RSF1: variants seen among roughly 807,000 people sequenced by gnomAD.
RSF1 encodes the protein remodeling and spacing factor 1.
Under a neutral mutation model 145.2 loss-of-function variants are expected in RSF1, and 13 were observed. That is an observed-to-expected ratio of 0.09 (90% confidence interval 0.06 to 0.14). The LOEUF is 0.14. Among genes scored for constraint, RSF1 ranks in the 10% least tolerant of loss-of-function variants. RSF1 has a pLI of 1.00. For missense variants in RSF1, 1,517 were observed against 1,718.2 expected (o/e 0.88, Z 2.07); for synonymous variants, 577 against 592.6 (o/e 0.97, Z 0.38).
At chr11:77,769,673 T>G (rs1034923865) in intron 1 of RSF1, among the ~76,000 whole-genome samples, 4 of 152,250 alleles carry the variant, frequency 2.6e-5, no homozygotes, top group African/African-American at 4.8e-5. Context: ...ATTTTGACAT[T>G]TTTCTAAGCA....
the RSF1 span, among the ~76,000 whole-genome samples, chr11:77,871,822 G>C: frequency 1.3e-5 from 2 of 152,128 alleles, no homozygotes; most frequent in South Asian, 2.1e-4. Flanking sequence ...ACCAACCCTA[G>C]GTGTTAATGT....
At chr11:77,866,202 G>A in the RSF1 span, among the ~76,000 whole-genome samples, 1 of 152,290 alleles carries the variant, frequency 6.6e-6, no homozygotes, top group Admixed American at 6.5e-5. Context: ...AGACAGACAG[G>A]ATGCCATCTT....
chr11:77,820,090 G>C (rs1192202139), intron 1 of RSF1, among the ~76,000 whole-genome samples: 7 of 152,210 alleles, frequency 4.6e-5, no homozygotes, highest in African/African-American at 1.7e-4. Context: ...AGATGGTCGG[G>C]AAGACTGGTG....
intron 2 of RSF1, among the ~76,000 whole-genome samples, chr11:77,761,539 GA>G (rs1292392275): frequency 2.6e-5 from 4 of 152,192 alleles, no homozygotes; most frequent in Non-Finnish European, 5.9e-5. Flanking sequence ...CAGGGCAGTA[GA>G]AGTAGAGGTG....
chr11:77,813,874 A>G (rs997426998), intron 1 of RSF1, among the ~76,000 whole-genome samples: 1 of 151,638 alleles, frequency 6.6e-6, no homozygotes, highest in Admixed American at 6.6e-5. Flanking sequence ...ATGGAGAATT[A>G]ATACAATTTA....
intron 1 of RSF1, among the ~76,000 whole-genome samples, chr11:77,808,062 G>A (rs1037641318): frequency 7.9e-5 from 12 of 152,088 alleles, no homozygotes; most frequent in African/African-American, 1.9e-4. Flanking sequence ...GGCTGGGTGC[G>A]GTGGCTCACA....
intron 1 of RSF1, among the ~76,000 whole-genome samples, chr11:77,801,233 A>G (rs1948623515): frequency 6.6e-6 from 1 of 152,068 alleles, no homozygotes; most frequent in Non-Finnish European, 1.5e-5. Context: ...TTTTGAGACC[A>G]GCCTGGTCAA....
At chr11:77,866,931 C>T in the RSF1 span, among the ~76,000 whole-genome samples, 27 of 152,180 alleles carry the variant, frequency 1.8e-4, no homozygotes, top group East Asian at 5.2e-3. Context: ...ACCTCCACTT[C>T]CTGGGTTCAA....
intron 1 of RSF1, among the ~76,000 whole-genome samples, chr11:77,778,803 TTC>T (rs1948374475): frequency 6.6e-6 from 1 of 152,240 alleles, no homozygotes; most frequent in Non-Finnish European, 1.5e-5. Flanking sequence ...CTGATTTATC[TTC>T]TCTCTCTGTC....
In RSF1 at chr11:77,661,567, C is replaced by T. The variant is rs1336722543; in HGVS notation, c.*5350G>A. The T allele has an allele frequency of 6.6e-6, 1 of 151,790 alleles. No individual in the cohort carries two copies. Among genetic ancestry groups the T allele is most frequent in the Admixed American group, 6.6e-5 (1 of 15,220 alleles). The allele number at this position is 151,790 out of a possible 1,614,324, so 9.4% of individuals were successfully genotyped here. A position where few individuals can be genotyped will look rare whatever the true frequency, so the allele number is the denominator to read the frequency against. The stretch of plus-strand genomic sequence containing the variant: ...GACATGCACCAATTCTGCTAAAGGG[C>T]AGGAGAATGAAAAAGACATGGCACA... On this transcript the variant is annotated 3_prime_UTR_variant, in exon 16 of 16. Coordinates refer to ENST00000308488, the MANE Select transcript of RSF1 (RefSeq NM_016578.4).
At chr11:77,785,754 GA>G (rs59830662) in intron 1 of RSF1, among the ~76,000 whole-genome samples, 25,617 of 139,866 alleles carry the variant, frequency 0.18, 2,708 homozygotes, top group African/African-American at 0.29. Flanking sequence ...CGTCTCTACT[GA>G]AAAAAAAAAA....
intron 14 of RSF1, among the ~76,000 whole-genome samples, chr11:77,673,573 C>T (rs1351166226): frequency 6.6e-6 from 1 of 152,094 alleles, no homozygotes; most frequent in Non-Finnish European, 1.5e-5. Flanking sequence ...AATAAACAAA[C>T]ATATGGAGGA....
the RSF1 span, among the ~76,000 whole-genome samples, chr11:77,864,191 T>A: frequency 6.6e-6 from 1 of 152,148 alleles, no homozygotes; most frequent in Non-Finnish European, 1.5e-5. Flanking sequence ...CCTCCCAAAG[T>A]GTTGGGATTA....
the RSF1 span, chr11:77,842,605 G>A: frequency 6.2e-6 from 10 of 1,613,880 alleles, no homozygotes; most frequent in Admixed American, 1.7e-5. Flanking sequence ...TCGGACTTGG[G>A]ATTGGAGAGA....
Position 77,702,127 on chromosome 11 carries a change from T to C in RSF1, c.1102A>G (p.Thr368Ala). The part of the protein sequence containing the change: ...KSSHEITEKS[T>A]EETEKLKNDQ... Reference sequence around the variant, plus strand: ...TTTTTAAGTTTCTCAGTTTCTTCAGTAGATTTCTCAGTAATTTCGTGAGAA... The same window carrying C: ...TTTTTAAGTTTCTCAGTTTCTTCAGCAGATTTCTCAGTAATTTCGTGAGAA... Residue 368 changes from threonine to alanine, a missense_variant, in exon 6 of 16, where the codon ACT becomes GCT. This residue lies in a region of RSF1 where 207 missense variants were observed against 191.4 expected (regional missense o/e 1.08). Coordinates refer to ENST00000308488, the MANE Select transcript of RSF1 (RefSeq NM_016578.4). 1 of 1,613,694 alleles carries C rather than the reference T, an allele frequency of 6.2e-7. No individual in the cohort carries two copies. The highest frequency in any genetic ancestry group is 8.5e-7 in the Non-Finnish European group (1 of 1,179,886).
intron 1 of RSF1, among the ~76,000 whole-genome samples, chr11:77,766,350 A>T (rs1304371733): frequency 2.0e-5 from 3 of 152,226 alleles, no homozygotes; most frequent in Non-Finnish European, 1.5e-5. Flanking sequence ...ATTCTCTACT[A>T]AAGCTCCTTC....
At chr11:77,820,837 AG>A, upstream of RSF1, 2 of 1,034,670 alleles carry the variant, frequency 1.9e-6, no homozygotes, top group Non-Finnish European at 2.7e-6. Flanking sequence ...TGCGGATCCC[AG>A]CGTCTCAGGG....
At chr11:77,751,645 A>G (rs1412306036) in intron 2 of RSF1, among the ~76,000 whole-genome samples, 2 of 152,208 alleles carry the variant, frequency 1.3e-5, no homozygotes, top group Non-Finnish European at 2.9e-5. Context: ...TAGAAGACAG[A>G]AATGACATAA....
intron 1 of RSF1, among the ~76,000 whole-genome samples, chr11:77,802,575 C>T (rs190532203): frequency 2.0e-5 from 3 of 152,056 alleles, no homozygotes; most frequent in Admixed American, 1.3e-4. Flanking sequence ...CAGAGTTTTA[C>T]TCTTATTGCT....
Sources: allele counts gnomAD v4.1 joint callset (sites outside exome capture counted in the v4.1 genomes callset), GRCh38; gene constraint gnomAD v4.1.1; regional missense constraint gnomAD v4.1.1; transcripts MANE v1.5; gene names NCBI Gene and HGNC (gene_info 2026-07-23, HGNC 2026-07-21).